SLC44A5: variants seen among roughly 807,000 people sequenced by gnomAD.
The protein encoded by SLC44A5 is solute carrier family 44 member 5, also known as choline transporter-like protein 5.
A neutral mutation model predicts 101.8 loss-of-function variants in SLC44A5; 57 were observed. That is an observed-to-expected ratio of 0.56 (90% CI 0.45 to 0.70). The LOEUF (loss-of-function observed/expected upper bound fraction) is 0.70, where lower values mean the gene tolerates loss of function less well. SLC44A5 is among the 30% of genes least tolerant of loss of function. The pLI is 0.00. For synonymous variants in SLC44A5, 281 were observed against 290.9 expected, an observed-to-expected ratio of 0.97 and a Z score of 0.35; for missense variants, 737 against 853.1, an observed-to-expected ratio of 0.86 and a Z score of 1.70.
chr1:75,477,308 A>C (rs1029099167), intron 2 of SLC44A5, among the ~76,000 whole-genome samples: 1 of 152,170 alleles, frequency 6.6e-6, no homozygotes, highest in Non-Finnish European at 1.5e-5. Context: ...CGGGGGAAAA[A>C]ACAGAGCAGA....
intron 1 of SLC44A5, among the ~76,000 whole-genome samples, chr1:75,558,175 G>T (rs7518629): frequency 0.33 from 50,579 of 151,902 alleles, 9,082 homozygotes; most frequent in Non-Finnish European, 0.42. Context: ...ATCTTTGGAT[G>T]TAACTGCAAG....
chr1:75,691,859 A>C, the SLC44A5 span, among the ~76,000 whole-genome samples: 1 of 152,118 alleles, frequency 6.6e-6, no homozygotes, highest in South Asian at 2.1e-4. Context: ...TGGGGGCCTC[A>C]CTCTCATGAT....
At chr1:75,255,141 ATGAC>A (rs1557583713) in intron 6 of SLC44A5, among the ~76,000 whole-genome samples, 1 of 152,114 alleles carries the variant, frequency 6.6e-6, no homozygotes, top group African/African-American at 2.4e-5. Flanking sequence ...CCTTGGTAAG[ATGAC>A]TGACTAACAC....
At chr1:75,452,159 G>GATCACAT (rs1665943255) in intron 2 of SLC44A5, among the ~76,000 whole-genome samples, 1 of 152,090 alleles carries the variant, frequency 6.6e-6, no homozygotes, top group African/African-American at 2.4e-5. Context: ...AAAAAGGTCA[G>GATCACAT]ATCACATACA....
At chr1:75,691,657 C>A in the SLC44A5 span, among the ~76,000 whole-genome samples, 1 of 152,186 alleles carries the variant, frequency 6.6e-6, no homozygotes, top group East Asian at 1.9e-4. Flanking sequence ...CCTCTGGGAG[C>A]TAAGTTGACC....
chr1:75,656,576 A>T, the SLC44A5 span, among the ~76,000 whole-genome samples: 1 of 152,014 alleles, frequency 6.6e-6, no homozygotes, highest in Non-Finnish European at 1.5e-5. Context: ...TATTTTATTC[A>T]TGATTAAAGT....
chr1:75,388,765 C>T (rs377216823), intron 3 of SLC44A5, among the ~76,000 whole-genome samples: 12 of 149,872 alleles, frequency 8.0e-5, no homozygotes, highest in African/African-American at 2.7e-4. Flanking sequence ...GGCAACAGAG[C>T]GAGACTCCGT....
At chr1:75,666,934 T>C in the SLC44A5 span, among the ~76,000 whole-genome samples, 1 of 152,142 alleles carries the variant, frequency 6.6e-6, no homozygotes, top group Admixed American at 6.5e-5. Context: ...ATGGAACGTA[T>C]CTCAAAATAA....
the SLC44A5 span, among the ~76,000 whole-genome samples, chr1:75,636,551 A>T: frequency 6.6e-6 from 1 of 152,102 alleles, no homozygotes; most frequent in Non-Finnish European, 1.5e-5. Context: ...GAAGTAAATG[A>T]AATGGAGTGT....
chr1:75,303,361 A>G (rs978941878), intron 4 of SLC44A5, among the ~76,000 whole-genome samples: 25 of 152,122 alleles, frequency 1.6e-4, no homozygotes, highest in African/African-American at 5.8e-4. Context: ...TCAGCCTCCC[A>G]AGCAACTGGA....
intron 3 of SLC44A5, among the ~76,000 whole-genome samples, chr1:75,367,070 T>G (rs934319736): frequency 1.3e-5 from 2 of 152,226 alleles, no homozygotes; most frequent in South Asian, 2.1e-4. Flanking sequence ...CTAGTTTCCT[T>G]AGGCAGTGTC....
At chr1:75,359,943 C>T (rs1185044459) in intron 3 of SLC44A5, among the ~76,000 whole-genome samples, 2 of 152,170 alleles carry the variant, frequency 1.3e-5, no homozygotes, top group Non-Finnish European at 2.9e-5. Context: ...TATTCACATC[C>T]TGTCAGTCAT....
Position 75,241,982 on chromosome 1 carries a change from T to G in SLC44A5, c.532+19A>C, listed in dbSNP as rs745489126. 117 of 1,599,222 alleles carry G rather than the reference T, an allele frequency of 7.3e-5. No homozygotes were observed. The South Asian group carries it at 7.7e-4, about 11-fold the overall frequency. The stretch of plus-strand genomic sequence containing the variant: ...TTTGGTAGATCCTATGTTTCTAAGG[T>G]AAAATAGTTGCCACTTACAAGGTTT... On this transcript the variant is annotated intron_variant, in intron 9 of 23. Transcript: ENST00000370859.
chr1:75,588,986 C>T (rs1674184377), intron 1 of SLC44A5, among the ~76,000 whole-genome samples: 1 of 152,160 alleles, frequency 6.6e-6, no homozygotes, highest in Non-Finnish European at 1.5e-5. Context: ...GCCAGAGTTT[C>T]AGGTTGAGGC....
intron 3 of SLC44A5, among the ~76,000 whole-genome samples, chr1:75,357,877 T>C (rs1450723629): frequency 1.3e-5 from 2 of 152,148 alleles, no homozygotes; most frequent in Admixed American, 6.5e-5. Context: ...AAGAGTTATA[T>C]GTCACACATC....
chr1:75,375,535 T>A (rs1321010249), intron 3 of SLC44A5, among the ~76,000 whole-genome samples: 1 of 152,088 alleles, frequency 6.6e-6, no homozygotes, highest in Admixed American at 6.5e-5. Context: ...CACATAATCA[T>A]CAGAATTTTC....
intron 3 of SLC44A5, among the ~76,000 whole-genome samples, chr1:75,380,010 C>CA (rs1228633459): frequency 4.7e-5 from 4 of 84,756 alleles, no homozygotes; most frequent in Non-Finnish European, 6.1e-5. Context: ...AATGGGCAAC[C>CA]ATTGTCGGGA....
intron 2 of SLC44A5, among the ~76,000 whole-genome samples, chr1:75,537,033 A>AAAAAAAAAAAAAATATATATATAT (rs35829590): frequency 7.0e-4 from 30 of 43,022 alleles, no homozygotes; most frequent in Non-Finnish European, 1.2e-3. Context: ...AAAAAAAAAA[A>AAAAAAAAAAAAAATATATATATAT]ATATATATCT....
At chr1:75,656,366 C>A in the SLC44A5 span, among the ~76,000 whole-genome samples, 1 of 152,056 alleles carries the variant, frequency 6.6e-6, no homozygotes, top group African/African-American at 2.4e-5. Context: ...TTGGAATACT[C>A]CAATACTGTA....
Sources: allele counts gnomAD v4.1 joint callset (sites outside exome capture counted in the v4.1 genomes callset), GRCh38; gene constraint gnomAD v4.1.1; transcripts MANE v1.5; gene names NCBI Gene and HGNC (gene_info 2026-07-23, HGNC 2026-07-21).